The following MAPK4 variants were observed in gnomAD, a reference collection of about 807,000 sequenced individuals.
The protein encoded by MAPK4 is Erk3-related.
MAPK4 carries 22 observed loss-of-function variants against 47.7 expected under a neutral mutation model. That is an observed-to-expected ratio of 0.46 (90% CI 0.33 to 0.66). MAPK4 has a LOEUF of 0.66. Among genes scored for constraint, MAPK4 ranks in the 30% least tolerant of loss-of-function variants. MAPK4 has a pLI of 0.02. For synonymous variants in MAPK4, 390 were observed against 365.7 expected, an observed-to-expected ratio of 1.07 and a Z score of -0.76; for missense variants, 736 against 831.7, an observed-to-expected ratio of 0.88 and a Z score of 1.42.
At chr18:50,561,417 A>G (rs926712238) in intron 1 of MAPK4, among the ~76,000 whole-genome samples, 1 of 152,232 alleles carries the variant, frequency 6.6e-6, no homozygotes, top group East Asian at 1.9e-4. Flanking sequence ...AGACTTTTCA[A>G]TTGAATGGAT....
At position 50,663,986 on chromosome 18, in the gene MAPK4, A is replaced by C. The variant is rs541638701; in HGVS notation, c.28A>C (p.Ser10Arg). The C allele has an allele frequency of 1.9e-6, 3 of 1,613,160 alleles. No individual in the cohort carries two copies. The highest frequency in any genetic ancestry group is 2.5e-6 in the Non-Finnish European group (3 of 1,179,558). The change falls in exon 2 of 6, where the codon AGT becomes CGT. Residue 10 changes from serine (S) to arginine (R), a missense_variant. By Grantham distance (110) the Ser-to-Arg change is moderately radical. Around this residue, in one of 3 missense-constraint regions of MAPK4, gnomAD observed 327 missense variants for 395.4 expected, o/e 0.83. Transcript: ENST00000400384. Reference protein sequence around the residue: MAEKGDCIASVYGYDLGGRF... With the variant: MAEKGDCIARVYGYDLGGRF... ...GGCTGAGAAGGGTGACTGCATCGCC[A>C]GTGTCTATGGGTATGACCTCGGTGG...
At chr18:50,722,687 G>T (rs552974988) in intron 4 of MAPK4, among the ~76,000 whole-genome samples, 57 of 152,292 alleles carry the variant, frequency 3.7e-4, no homozygotes, top group Non-Finnish European at 6.5e-4. Context: ...AGGGAGGCAG[G>T]CCCCAAGACC....
rs1697374401 is a variant in MAPK4, at chr18:50,604,026, G to C, written c.-871+43783G>C. ...ACAAATTAGAAGGAATTTGAGGCAG[G>C]CATACCCAAACCATCAAGGAGTGAC... On this transcript the variant is annotated intron_variant, in intron 1 of 5. Coordinates refer to ENST00000400384, the MANE Select transcript of MAPK4 (RefSeq NM_002747.4). Among the ~76,000 whole-genome samples the C allele has an allele frequency of 2.6e-5, 4 of 152,150 alleles. No individual in the cohort carries two copies. The South Asian group carries it at 8.3e-4, about 32-fold the overall frequency.
Position 50,664,071 on chromosome 18 carries a change from T to C in MAPK4, c.113T>C (p.Val38Ala), listed in dbSNP as rs1598884005. 1 of 1,613,740 alleles carries C rather than the reference T, an allele frequency of 6.2e-7. No homozygotes were observed. The highest frequency in any genetic ancestry group is 1.7e-5 in the Admixed American group (1 of 60,012). ...FGVNGLVLSA[V>A]DSRACRKVAV... The stretch of plus-strand genomic sequence containing the variant: ...GTCAATGGTTTGGTGCTGTCGGCCG[T>C]GGACAGCCGGGCCTGCCGGAAGGTC... Residue 38 changes from valine (V) to alanine (A), a missense_variant, in exon 2 of 6, where the codon GTG becomes GCG. This residue lies in a region of MAPK4 where 327 missense variants were observed against 395.4 expected (regional missense o/e 0.83). Coordinates refer to ENST00000400384, the MANE Select transcript of MAPK4 (RefSeq NM_002747.4). The surrounding 1 kb of genome is among the most constrained non-coding windows in gnomAD (Gnocchi z 6.0).
At chr18:50,724,767 G>A (rs1911104035) in intron 4 of MAPK4, among the ~76,000 whole-genome samples, 1 of 152,200 alleles carries the variant, frequency 6.6e-6, no homozygotes, top group South Asian at 2.1e-4. Context: ...TGGTGTGAGG[G>A]GCAGGTTAAT....
intron 1 of MAPK4, among the ~76,000 whole-genome samples, chr18:50,608,382 C>T (rs1044943485): frequency 2.0e-5 from 3 of 152,188 alleles, no homozygotes; most frequent in East Asian, 1.9e-4. Context: ...GTTAACATTC[C>T]GAGCTTCTGC....
chr18:50,690,062 A>C (rs189547890), intron 2 of MAPK4, among the ~76,000 whole-genome samples: 206 of 152,220 alleles, frequency 1.4e-3, no homozygotes, highest in Middle Eastern at 6.8e-3. Flanking sequence ...GAGTTTGGGG[A>C]AGGGGCTGGC....
At chr18:50,589,310 T>C (rs1371934610) in intron 1 of MAPK4, among the ~76,000 whole-genome samples, 1 of 152,148 alleles carries the variant, frequency 6.6e-6, no homozygotes, top group Non-Finnish European at 1.5e-5. Flanking sequence ...GCCCATTAGA[T>C]GGTATAAAAA....
chr18:50,704,774 A>T, intron 2 of MAPK4: 2 of 398,622 alleles, frequency 5.0e-6, no homozygotes, highest in African/African-American at 2.1e-5. Context: ...CTGCCTCTGC[A>T]TCCTCTTCTG....
At chr18:50,629,422 G>A (rs1433902421) in intron 1 of MAPK4, 1 of 152,240 alleles carries the variant, frequency 6.6e-6, no homozygotes, top group Non-Finnish European at 1.5e-5. Context: ...CAAAGCACTT[G>A]CTACTTGCAC....
intron 2 of MAPK4, among the ~76,000 whole-genome samples, chr18:50,681,086 T>A (rs568953742): frequency 3.9e-5 from 6 of 152,018 alleles, no homozygotes; most frequent in Non-Finnish European, 7.4e-5. Context: ...TTTTTTTTTT[T>A]AAATTTTAGC....
In MAPK4 at chr18:50,664,166, C is replaced by A; in HGVS notation, c.208C>A (p.Arg70=). The A allele has an allele frequency of 6.2e-7, 1 of 1,614,128 alleles. No homozygotes were observed. Among genetic ancestry groups the A allele is most frequent in the Non-Finnish European group, 8.5e-7 (1 of 1,180,032 alleles). The stretch of plus-strand genomic sequence containing the variant: ...CGCGCTCCGAGAGATCAAGATCATT[C>A]GGCGCCTGGACCACGACAACATCGT... The part of the protein sequence containing the change: ...KHALREIKII[R]RLDHDNIVKV... Residue 70 remains arginine (R), a synonymous_variant, in exon 2 of 6, where the codon CGG becomes AGG. Coordinates refer to ENST00000400384, the MANE Select transcript of MAPK4 (RefSeq NM_002747.4). The surrounding 1 kb of genome is among the most constrained non-coding windows in gnomAD (Gnocchi z 6.0).
chr18:50,690,891 A>T (rs1909176313), intron 2 of MAPK4, among the ~76,000 whole-genome samples: 1 of 152,224 alleles, frequency 6.6e-6, no homozygotes. Context: ...CTGGCCAGGA[A>T]GTCATAGTGT....
In MAPK4 at chr18:50,722,095, T is replaced by C. The variant is rs953693856; in HGVS notation, c.849T>C (p.Ser283=). Residue 283 remains serine (S), a synonymous_variant, in exon 4 of 6, where the codon AGT becomes AGC. Coordinates refer to ENST00000400384, the MANE Select transcript of MAPK4 (RefSeq NM_002747.4). The stretch of plus-strand genomic sequence containing the variant: ...GCAAGCTGCTCCCTGAAGTGAACAG[T>C]GAAGGTACCTGAGCCTGGCAGCCAG... ...PLRKLLPEVN[S]EAIDFLEKIL... The C allele has an allele frequency of 1.2e-6, 2 of 1,609,920 alleles. No homozygotes were observed. The highest frequency in any genetic ancestry group is 1.3e-5 in the African/African-American group (1 of 74,608).
intron 2 of MAPK4, among the ~76,000 whole-genome samples, chr18:50,687,175 C>G (rs1173278657): frequency 1.3e-5 from 2 of 152,264 alleles, no homozygotes; most frequent in East Asian, 3.9e-4. Flanking sequence ...TCATGTGTCA[C>G]CATGCCTGGC....
At chr18:50,667,765 C>T (rs1293324578) in intron 2 of MAPK4, among the ~76,000 whole-genome samples, 3 of 152,188 alleles carry the variant, frequency 2.0e-5, no homozygotes, top group East Asian at 3.9e-4. Flanking sequence ...CAACAACATA[C>T]CCAGAAGACT....
intron 1 of MAPK4, among the ~76,000 whole-genome samples, chr18:50,592,590 G>T (rs112099425): frequency 0.011 from 1,750 of 152,294 alleles, 18 homozygotes; most frequent in Non-Finnish European, 0.019. Context: ...GTGACTGAAG[G>T]CACAGACTGA....
rs35330620 is a variant in MAPK4, at chr18:50,688,889, TAAAAAAA to T, written c.546+24400_546+24406del. ...CTGTTCTCCCAAAAACCTATGGAAA[TAAAAAAA>T]AAAAAAAAAAAAAAGAAAGACAGTG... On this transcript the variant is annotated intron_variant, in intron 2 of 5. Transcript: ENST00000400384. Among the ~76,000 whole-genome samples, 23 of 115,892 alleles carry T rather than the reference TAAAAAAA, an allele frequency of 2.0e-4. 1 individual carries two copies. Among genetic ancestry groups the T allele is most frequent in the South Asian group, 5.9e-4 (2 of 3,414 alleles). The allele number at this position is 115,892 out of a possible 152,430, so 76.0% of individuals were successfully genotyped here.
chr18:50,729,613 G>A lies in MAPK4; in HGVS notation c.1523G>A (p.Ser508Asn), dbSNP rs1372606225. Reference protein sequence around the residue: ...KSTQGGPEHASPPADDPERRL... With the variant: ...KSTQGGPEHANPPADDPERRL... ...ACGCAGGGCGGCCCAGAGCACGCCA[G>A]CCCGCCCGCCGACGACCCCGAGCGC... is the stretch of plus-strand genomic sequence containing the variant. The change falls in exon 6 of 6, where the codon AGC becomes AAC. Residue 508 changes from serine to asparagine, a missense_variant. Physicochemically the swap from Ser to Asn is conservative, Grantham distance 46 (BLOSUM62 1). This residue lies in a region of MAPK4 where 377 missense variants were observed against 378.6 expected (regional missense o/e 1.00). Coordinates refer to ENST00000400384, the MANE Select transcript of MAPK4 (RefSeq NM_002747.4). 2 of 1,376,672 alleles carry A rather than the reference G, an allele frequency of 1.5e-6. No individual in the cohort carries two copies. Among genetic ancestry groups the A allele is most frequent in the African/African-American group, 1.5e-5 (1 of 65,020 alleles). 85.3% of individuals were successfully genotyped at this position (1,376,672 alleles called of 1,614,324 possible).
Sources: gnomAD v4.1 joint callset for allele counts (sites outside exome capture counted in the v4.1 genomes callset) on GRCh38, gnomAD v4.1.1 for gene constraint, gnomAD v4.1.1 regional missense constraint, Gnocchi (gnomAD v3.1) non-coding constraint, MANE v1.5 for transcripts, NCBI Gene and HGNC (gene_info 2026-07-23, HGNC 2026-07-21) for gene names.